NACC2: variants seen among roughly 807,000 people sequenced by gnomAD.
NACC2 encodes nucleus accumbens-associated protein 2.
NACC2 carries 8 observed loss-of-function variants against 25.1 expected under a neutral mutation model. The ratio of observed to expected loss-of-function variants is 0.32; its 90% CI spans 0.19 to 0.57. NACC2 has a LOEUF of 0.57. Among genes scored for constraint, NACC2 ranks in the 20% least tolerant of loss-of-function variants. The pLI is 0.89. For synonymous variants in NACC2, 435 were observed against 294.7 expected (o/e 1.48, Z -4.88); for missense variants, 644 against 650.2 (o/e 0.99, Z 0.10).
chr9:136,037,327 G>A (rs947387021), intron 2 of NACC2, among the ~76,000 whole-genome samples: 4 of 151,850 alleles, frequency 2.6e-5, no homozygotes, highest in African/African-American at 7.3e-5. Context: ...GGGTTCAAGC[G>A]ATTCTCCTGC....
At chr9:136,054,982 GAC>G in intron 1 of NACC2, among the ~76,000 whole-genome samples, 1 of 152,152 alleles carries the variant, frequency 6.6e-6, no homozygotes. Context: ...ACCCCACACA[GAC>G]ACACAGAGGA....
intron 2 of NACC2, among the ~76,000 whole-genome samples, chr9:136,026,425 T>C (rs1339430526): frequency 6.6e-6 from 1 of 150,790 alleles, no homozygotes; most frequent in Non-Finnish European, 1.5e-5. Context: ...CACATAGGAC[T>C]TGGGGAAAGC....
Position 136,013,158 on chromosome 9 carries a change from A to ACC in NACC2, c.1255+40_1255+41insGG. On this transcript the variant is annotated intron_variant, in intron 5 of 5. Coordinates refer to ENST00000277554, the MANE Select transcript of NACC2 (RefSeq NM_144653.5). The surrounding 1 kb of genome is among the most constrained non-coding windows in gnomAD (Gnocchi z 6.6). Reference sequence around the variant, plus strand: ...CCTCCTCAGGCTGGGATCTGAACCCAGCCCCGGCCCCACCCACCCGAGAGA... The same window carrying ACC: ...CCTCCTCAGGCTGGGATCTGAACCCACCGCCCCGGCCCCACCCACCCGAGAGA... 1 of 725,490 alleles carries ACC rather than the reference A, an allele frequency of 1.4e-6. No individual in the cohort carries two copies. Among genetic ancestry groups the ACC allele is most frequent in the Non-Finnish European group, 2.4e-6 (1 of 409,414 alleles). The allele number at this position is 725,490 out of a possible 1,614,324, so 44.9% of individuals were successfully genotyped here.
chr9:136,055,752 A>G lies in NACC2; in HGVS notation c.-59-5172T>C, dbSNP rs115372382. Among the ~76,000 whole-genome samples, 921 of 152,290 alleles carry G rather than the reference A, an allele frequency of 6.0e-3. 13 individuals are homozygous for G. Among genetic ancestry groups the G allele is most frequent in the African/African-American group, 0.021 (855 of 41,564 alleles). ...CCATTAAACACGTGGTAGAGGAAGGAGAGAGGCGGGGCACGGGAAACGTTC... is the reference window on the plus strand; with the variant it reads ...CCATTAAACACGTGGTAGAGGAAGGGGAGAGGCGGGGCACGGGAAACGTTC... On this transcript the variant is annotated intron_variant, in intron 1 of 5. Coordinates refer to ENST00000277554, the MANE Select transcript of NACC2 (RefSeq NM_144653.5). This position sits in a 1 kb window ranked among gnomAD's most constrained non-coding sequence, Gnocchi z 4.9.
chr9:136,024,567 AGAGT>A (rs1204447050), intron 2 of NACC2, among the ~76,000 whole-genome samples: 715 of 151,118 alleles, frequency 4.7e-3, no homozygotes, highest in Middle Eastern at 0.017. Context: ...GTGTAAGGAC[AGAGT>A]GTGTGTGTAA....
chr9:136,088,169 G>A (rs1830398489), intron 1 of NACC2, among the ~76,000 whole-genome samples: 1 of 152,194 alleles, frequency 6.6e-6, no homozygotes, highest in Admixed American at 6.5e-5. Flanking sequence ...GGCTGTGCAG[G>A]GTCAGCGGAA....
At position 136,058,112 on chromosome 9, in the gene NACC2, G is replaced by C. The variant is rs530932411; in HGVS notation, c.-59-7532C>G. On this transcript the variant is annotated intron_variant, in intron 1 of 5. Coordinates refer to ENST00000277554, the MANE Select transcript of NACC2 (RefSeq NM_144653.5). ...TACATCAGCCACTGGGGGCGGGGGGGGCCCAATGACGCCTGGAGCCACACG... is the reference window on the plus strand; with the variant it reads ...TACATCAGCCACTGGGGGCGGGGGGCGCCCAATGACGCCTGGAGCCACACG... 4.7e-4 allele frequency among the ~76,000 whole-genome samples: 72 copies of C among 152,212 alleles called. 1 individual carries two copies. In the South Asian group the frequency reaches 0.013, roughly 28 times the overall value.
At chr9:136,074,188 T>C (rs112451021) in intron 1 of NACC2, among the ~76,000 whole-genome samples, 2 of 150,980 alleles carry the variant, frequency 1.3e-5, no homozygotes, top group Admixed American at 6.6e-5. Flanking sequence ...CGGTGGCTCA[T>C]GCCTGTAATC....
At chr9:136,076,730 G>C (rs951413920) in intron 1 of NACC2, among the ~76,000 whole-genome samples, 9 of 152,172 alleles carry the variant, frequency 5.9e-5, no homozygotes, top group African/African-American at 2.2e-4. Context: ...AAATGTATTG[G>C]CCTGGTGGTG....
intron 1 of NACC2, among the ~76,000 whole-genome samples, chr9:136,067,147 G>A (rs918879349): frequency 3.9e-5 from 6 of 152,022 alleles, no homozygotes; most frequent in East Asian, 1.9e-4. Context: ...CCGGCTACTC[G>A]GGAGGCTGAG....
rs200168413 is a variant in NACC2 at position 136,013,219 on chromosome 9, C to T, written c.1235G>A (p.Arg412Gln). Residue 412 changes from arginine to glutamine, a missense_variant, in exon 5 of 6, where the codon CGG (arginine) becomes CAG (glutamine). Arg to Gln is a conservative substitution (Grantham distance 43). Coordinates refer to ENST00000277554, the MANE Select transcript of NACC2 (RefSeq NM_144653.5). This position sits in a 1 kb window ranked among gnomAD's most constrained non-coding sequence, Gnocchi z 6.6. ...SDPSRKPLDS[R>Q]VLNAVKLYCQ... ...CTTACATTTCACAGCGTTCAGGACC[C>T]GGCTGTCCAGCGGCTTCCGGCTGGG... is the stretch of plus-strand genomic sequence containing the variant. 4.3e-6 allele frequency: 7 copies of T among 1,611,950 alleles called. No homozygotes were observed. The highest frequency in any genetic ancestry group is 1.1e-5 in the South Asian group (1 of 90,964).
At position 136,013,792 on chromosome 9, in the gene NACC2, C is replaced by G; in HGVS notation, c.1157+72G>C. 7.5e-7 allele frequency: 1 copy of G among 1,331,124 alleles called. No individual in the cohort carries two copies. Among genetic ancestry groups the G allele is most frequent in the Middle Eastern group, 1.8e-4 (1 of 5,494 alleles). The allele number at this position is 1,331,124 out of a possible 1,614,324, so 82.5% of individuals were successfully genotyped here. A position where few individuals can be genotyped will look rare whatever the true frequency, so the allele number is the denominator to read the frequency against. On this transcript the variant is annotated intron_variant, in intron 4 of 5. Coordinates refer to ENST00000277554, the MANE Select transcript of NACC2 (RefSeq NM_144653.5). This position sits in a 1 kb window ranked among gnomAD's most constrained non-coding sequence, Gnocchi z 6.6. ...AATGCCACAACCCTGGACGATCAGA[C>G]AGCTCATAGCTAAAGGAGCCAGAAC...
At chr9:136,052,373 A>G (rs1219689961) in intron 1 of NACC2, among the ~76,000 whole-genome samples, 1 of 151,950 alleles carries the variant, frequency 6.6e-6, no homozygotes, top group African/African-American at 2.4e-5. Context: ...AAACTATTCC[A>G]AACAGTCTGC....
chr9:136,056,573 C>A (rs1319533492), intron 1 of NACC2, among the ~76,000 whole-genome samples: 1 of 152,232 alleles, frequency 6.6e-6, no homozygotes, highest in East Asian at 1.9e-4. Context: ...CCTGCCAGGG[C>A]CCTAAGGACT....
In NACC2 at chr9:136,024,055, C is replaced by CGT. The variant is rs1171142262; in HGVS notation, c.887-7628_887-7627dup. Among the ~76,000 whole-genome samples, 6 of 151,030 alleles carry CGT rather than the reference C, an allele frequency of 4.0e-5. No homozygotes were observed. The South Asian group carries it at 8.4e-4, about 21-fold the overall frequency. On this transcript the variant is annotated intron_variant, in intron 2 of 5. Transcript: ENST00000277554. ...TGGGAGACAGAGTGTGTGGGGACAG[C>CGT]GTGTGTGTGTGAGGCCAGAGTGTGA...
intron 1 of NACC2, among the ~76,000 whole-genome samples, chr9:136,060,733 G>A (rs1840997714): frequency 6.6e-6 from 1 of 152,202 alleles, no homozygotes; most frequent in South Asian, 2.1e-4. Context: ...TAGCCGGTGA[G>A]CACGGAGCCA....
rs561380538 is a variant in NACC2 at position 136,074,890 on chromosome 9, C to T, written c.-60+20299G>A. ...GTGGCCTTCCCAGCCGAGGCGGAGT[C>T]GGCAGGGCCGGGGGATGCTGGCGGG... On this transcript the variant is annotated intron_variant, in intron 1 of 5. Coordinates refer to ENST00000277554, the MANE Select transcript of NACC2 (RefSeq NM_144653.5). 4.5e-4 allele frequency among the ~76,000 whole-genome samples: 68 copies of T among 152,296 alleles called. 1 individual carries two copies. Among genetic ancestry groups the T allele is most frequent in the African/African-American group, 1.5e-3 (62 of 41,566 alleles).
chr9:136,094,891 G>A (rs1445554364), intron 1 of NACC2, among the ~76,000 whole-genome samples: 2 of 150,406 alleles, frequency 1.3e-5, no homozygotes, highest in African/African-American at 4.9e-5. Flanking sequence ...GACGCCCGGA[G>A]CCGGGGTCTC....
intron 1 of NACC2, among the ~76,000 whole-genome samples, chr9:136,059,269 C>G (rs948314298): frequency 2.0e-5 from 3 of 152,194 alleles, no homozygotes; most frequent in Admixed American, 1.3e-4. Flanking sequence ...CAGAGCCACA[C>G]GCACAGGGGC....
Sources: allele counts gnomAD v4.1 joint callset (sites outside exome capture counted in the v4.1 genomes callset), GRCh38; gene constraint gnomAD v4.1.1; non-coding constraint Gnocchi (gnomAD v3.1); transcripts MANE v1.5; gene names NCBI Gene and HGNC (gene_info 2026-07-23, HGNC 2026-07-21).